DIS3L: variants seen among roughly 807,000 people sequenced by gnomAD.
DIS3L encodes the protein DIS3-like exonuclease 1.
A neutral mutation model predicts 120.3 loss-of-function variants in DIS3L; 100 were observed. That is an observed-to-expected ratio of 0.83 (90% confidence interval 0.71 to 0.98). The LOEUF (loss-of-function observed/expected upper bound fraction) is 0.98. Among genes scored for constraint, DIS3L ranks in the 50% least tolerant of loss-of-function variants. The probability of loss-of-function intolerance (pLI) is 0.00; values close to 1 mark genes in which losing one functional copy is unlikely to be tolerated. For synonymous variants in DIS3L, 426 were observed against 470.6 expected (o/e 0.91, Z 1.23); for missense variants, 1,196 against 1,314.2 (o/e 0.91, Z 1.39).
chr15:66,326,655 CT>C, intron 12 of DIS3L: 1 of 260,366 alleles, frequency 3.8e-6, no homozygotes, highest in Non-Finnish European at 7.4e-6. Flanking sequence ...TCTCGGCTCA[CT>C]GCAACCACCA....
At chr15:66,297,085 T>G (rs1361998857) in intron 2 of DIS3L, among the ~76,000 whole-genome samples, 2 of 152,218 alleles carry the variant, frequency 1.3e-5, no homozygotes, top group Non-Finnish European at 2.9e-5. Context: ...CTTGGCACTT[T>G]GTTTACCTGT....
Position 66,295,077 on chromosome 15 carries a change from G to C in DIS3L, c.229G>C (p.Glu77Gln). ...QDYLEILEFP[E>Q]LKGIIFMQTA... ...TTATCTTGAGATCCTTGAGTTTCCT[G>C]AGTTGAAGGGAATTATTTTCATGCA... The change falls in exon 2 of 17, where the codon GAG becomes CAG. Residue 77 changes from glutamate to glutamine, a missense_variant. Coordinates refer to ENST00000319212, the MANE Select transcript of DIS3L (RefSeq NM_001143688.3). 3.7e-6 allele frequency: 6 copies of C among 1,614,144 alleles called. No individual in the cohort carries two copies. The highest frequency in any genetic ancestry group is 5.1e-6 in the Non-Finnish European group (6 of 1,180,010).
intron 5 of DIS3L, among the ~76,000 whole-genome samples, chr15:66,313,216 G>A (rs1342644037): frequency 1.3e-5 from 2 of 151,714 alleles, no homozygotes; most frequent in East Asian, 2.0e-4. Flanking sequence ...GAATGGTCTC[G>A]ATCTCTTGAC....
At position 66,333,020 on chromosome 15, in the gene DIS3L, A is replaced by G; in HGVS notation, c.2873A>G (p.Gln958Arg). 4 of 1,611,588 alleles carry G rather than the reference A, an allele frequency of 2.5e-6. No individual in the cohort carries two copies. Among genetic ancestry groups the G allele is most frequent in the Non-Finnish European group, 3.4e-6 (4 of 1,179,126 alleles). ...FDHVTVRISI[Q>R]ASRCHSDTIR... ...CTATGCTAGGTAAGAATATCCATAC[A>G]GGCCTCACGTTGCCATTCTGATACA... The change falls in exon 17 of 17, where the codon CAG (glutamine) becomes CGG (arginine). Residue 958 changes from glutamine (Q) to arginine (R), a missense_variant. Physicochemically the swap from Gln to Arg is conservative, Grantham distance 43 (BLOSUM62 1). Coordinates refer to ENST00000319212, the MANE Select transcript of DIS3L (RefSeq NM_001143688.3).
At chr15:66,329,611 A>C (rs1169279598) in intron 14 of DIS3L, 11 of 1,265,742 alleles carry the variant, frequency 8.7e-6, no homozygotes, top group African/African-American at 1.5e-5. Flanking sequence ...TTTTTCCGAA[A>C]GGTGGAAATG....
intron 7 of DIS3L, among the ~76,000 whole-genome samples, chr15:66,317,637 A>T (rs1329249992): frequency 6.6e-6 from 1 of 152,154 alleles, no homozygotes; most frequent in Non-Finnish European, 1.5e-5. Flanking sequence ...TGGATTCTAA[A>T]TGTTATCTCA....
At chr15:66,324,027 T>A (rs1034828982) in intron 11 of DIS3L, among the ~76,000 whole-genome samples, 1 of 152,224 alleles carries the variant, frequency 6.6e-6, no homozygotes, top group Non-Finnish European at 1.5e-5. Context: ...CGAACTCATA[T>A]GTCCCAAGAG....
chr15:66,294,749 C>T (rs2092566877), intron 1 of DIS3L, among the ~76,000 whole-genome samples: 1 of 152,148 alleles, frequency 6.6e-6, no homozygotes, highest in Admixed American at 6.5e-5. Flanking sequence ...GCCATCCTCT[C>T]CGGCACCTCT....
intron 14 of DIS3L, among the ~76,000 whole-genome samples, chr15:66,331,149 C>T (rs935872666): frequency 9.9e-5 from 15 of 151,248 alleles, no homozygotes; most frequent in African/African-American, 3.4e-4. Flanking sequence ...AGTGAGACTC[C>T]ATCTCAAAAA....
intron 11 of DIS3L, among the ~76,000 whole-genome samples, chr15:66,324,915 C>A (rs181970117): frequency 2.0e-5 from 3 of 152,074 alleles, no homozygotes; most frequent in Admixed American, 2.0e-4. Context: ...CAAATGTATA[C>A]CTTTTTTTTA....
chr15:66,329,880 C>G, intron 14 of DIS3L: 1 of 982,088 alleles, frequency 1.0e-6, no homozygotes, highest in Non-Finnish European at 1.2e-6. Flanking sequence ...CCACTGCACT[C>G]TAGCCTGGGT....
chr15:66,293,655 G>T lies in DIS3L; in HGVS notation c.59G>T (p.Arg20Leu). 1 of 1,434,346 alleles carries T rather than the reference G, an allele frequency of 7.0e-7. No individual in the cohort carries two copies. Among genetic ancestry groups the T allele is most frequent in the East Asian group, 3.2e-5 (1 of 31,122 alleles). The allele number at this position is 1,434,346 out of a possible 1,614,324, so 88.9% of individuals were successfully genotyped here. ...AGGACCTTCCAGGGCCGCACGCTGC[G>T]GATCGTGCGCGAGCACTACCTGCGG... ...LLRTFQGRTLRIVREHYLRPC... is the reference protein window; with the variant it reads ...LLRTFQGRTLLIVREHYLRPC... The change falls in exon 1 of 17, where the codon CGG (arginine) becomes CTG (leucine). Residue 20 changes from arginine to leucine, a missense_variant. Coordinates refer to ENST00000319212, the MANE Select transcript of DIS3L (RefSeq NM_001143688.3).
At chr15:66,308,969 G>GCA (rs72468481) in intron 4 of DIS3L, 125 bp downstream of exon 4, 1 of 1,087,198 alleles carries the variant, frequency 9.2e-7, no homozygotes, top group Non-Finnish European at 1.2e-6. Flanking sequence ...TTTTGGCCAG[G>GCA]CGTGGTGGCT....
chr15:66,307,668 AAC>A (rs751811350), intron 3 of DIS3L, among the ~76,000 whole-genome samples: 1 of 152,246 alleles, frequency 6.6e-6, no homozygotes, highest in Non-Finnish European at 1.5e-5. Context: ...TGCTTCAGGA[AAC>A]ACAGTGTCCT....
intron 6 of DIS3L, chr15:66,314,800 T>C: frequency 2.4e-6 from 1 of 417,854 alleles, no homozygotes; most frequent in South Asian, 4.9e-5. Context: ...GATGGGGATA[T>C]TTTTTTGAAA....
intron 5 of DIS3L, among the ~76,000 whole-genome samples, chr15:66,312,501 C>G (rs1426430861): frequency 1.3e-5 from 2 of 152,240 alleles, no homozygotes; most frequent in Middle Eastern, 3.4e-3. Flanking sequence ...AAAAACATAC[C>G]TCTTTGAATC....
intron 2 of DIS3L, among the ~76,000 whole-genome samples, chr15:66,305,650 G>A (rs545390509): frequency 5.9e-5 from 9 of 151,810 alleles, no homozygotes; most frequent in South Asian, 4.2e-4. Flanking sequence ...TCAGCCTCCC[G>A]AGGAGCTGGA....
chr15:66,331,806 A>C, intron 14 of DIS3L, 69 bp from the exon 15 acceptor site: 1 of 1,400,170 alleles, frequency 7.1e-7, no homozygotes, highest in Non-Finnish European at 9.4e-7. Flanking sequence ...ATTTGAATGA[A>C]TATGAATTTC....
intron 1 of DIS3L, chr15:66,294,014 T>G: frequency 1.0e-6 from 1 of 988,888 alleles, no homozygotes; most frequent in East Asian, 1.1e-4. Flanking sequence ...GGCCGGGTGG[T>G]TTGGCTCCTC....
Sources: gnomAD v4.1 joint callset for allele counts (sites outside exome capture counted in the v4.1 genomes callset) on GRCh38, gnomAD v4.1.1 for gene constraint, MANE v1.5 for transcripts, NCBI Gene and HGNC (gene_info 2026-07-23, HGNC 2026-07-21) for gene names.